Variants in PCDH11X observed in about 807,000 individuals in gnomAD.
The protein encoded by PCDH11X is protocadherin-11 X-linked.
PCDH11X carries 18 observed loss-of-function variants against 53.3 expected under a neutral mutation model. The ratio of observed to expected loss-of-function variants is 0.34; its 90% CI spans 0.23 to 0.50. The LOEUF is 0.50. Ranked by LOEUF, PCDH11X falls within the 20% of genes least tolerant of loss-of-function variation. The pLI is 0.98. For synonymous variants in PCDH11X, 279 were observed against 393.3 expected (o/e 0.71, Z 3.44); for missense variants, 570 against 1,032.4 (o/e 0.55, Z 6.14).
intron 7 of PCDH11X, among the ~76,000 whole-genome samples, chrX:92,260,615 T>C (rs1292269793): frequency 9.0e-6 from 1 of 111,495 alleles, no homozygotes; most frequent in Non-Finnish European, 1.9e-5. Flanking sequence ...TGTAGACAGT[T>C]GTTAAATTGT....
At chrX:92,077,515 A>T (rs1258217343) in intron 6 of PCDH11X, among the ~76,000 whole-genome samples, 2 of 110,246 alleles carry the variant, frequency 1.8e-5, no homozygotes, top group African/African-American at 6.6e-5. Flanking sequence ...TAATACTGAA[A>T]ATATCATTTT....
At chrX:91,987,232 C>T (rs1181198812) in intron 6 of PCDH11X, among the ~76,000 whole-genome samples, 1 of 110,695 alleles carries the variant, frequency 9.0e-6, no homozygotes, top group East Asian at 2.8e-4. Context: ...TTACAGGTGC[C>T]TGTCACCATG....
chrX:92,284,510 C>T (rs2068318406), intron 8 of PCDH11X, among the ~76,000 whole-genome samples: 1 of 112,133 alleles, frequency 8.9e-6, no homozygotes, highest in African/African-American at 3.2e-5. Flanking sequence ...TTTTAATCCA[C>T]TGTTAGCAGG....
At chrX:92,422,134 C>CTTTTTTTTTTTTT (rs67131959) in intron 9 of PCDH11X, among the ~76,000 whole-genome samples, 3 of 86,331 alleles carry the variant, frequency 3.5e-5, no homozygotes, top group Non-Finnish European at 6.8e-5. Context: ...AATTTCTTTT[C>CTTTTTTTTTTTTT]TTTTTTTTTT....
At chrX:92,138,500 CAT>C (rs1371499884) in intron 6 of PCDH11X, among the ~76,000 whole-genome samples, 32 of 108,965 alleles carry the variant, frequency 2.9e-4, no homozygotes, top group African/African-American at 1.1e-3. Flanking sequence ...TAAATATAAA[CAT>C]AAAATTAAAA....
At chrX:92,589,763 G>A (rs1924823645) in intron 10 of PCDH11X, among the ~76,000 whole-genome samples, 1 of 110,769 alleles carries the variant, frequency 9.0e-6, no homozygotes, top group African/African-American at 3.3e-5. Context: ...ATTATTCCTG[G>A]GCTATTAGTA....
intron 6 of PCDH11X, among the ~76,000 whole-genome samples, chrX:92,009,120 TA>T (rs1430251188): frequency 8.9e-6 from 1 of 112,529 alleles, no homozygotes; most frequent in Non-Finnish European, 1.9e-5. Flanking sequence ...TCCTTTTTAG[TA>T]ACTATATTTG....
chrX:92,153,195 G>C (rs1291691447), intron 6 of PCDH11X, among the ~76,000 whole-genome samples: 2 of 109,481 alleles, frequency 1.8e-5, no homozygotes, highest in Admixed American at 9.9e-5. Flanking sequence ...TCTGACAATC[G>C]ACCTACAGGA....
rs751917464 is a variant in PCDH11X at position 91,879,247 on chromosome X, G to C, written c.3007G>C (p.Val1003Leu). 10 of 1,209,692 alleles carry C rather than the reference G, an allele frequency of 8.3e-6. No homozygotes were observed. The highest frequency in any genetic ancestry group is 1.0e-5 in the Non-Finnish European group (9 of 895,189). ...TGGCTATCCAGTGACGACCTTCGAGGTACCTGTGTCCGTACACACCAGACC... is the reference window on the plus strand; with the variant it reads ...TGGCTATCCAGTGACGACCTTCGAGCTACCTGTGTCCGTACACACCAGACC... ...DCGYPVTTFE[V>L]PVSVHTRPPM... Residue 1003 changes from valine (V) to leucine (L), a missense_variant, in exon 6 of 11, where the codon GTA (valine) becomes CTA (leucine). This residue lies in a region of PCDH11X where 234 missense variants were observed against 296.1 expected (regional missense o/e 0.79). Coordinates refer to ENST00000682573, the MANE Select transcript of PCDH11X (RefSeq NM_032968.5).
intron 9 of PCDH11X, among the ~76,000 whole-genome samples, chrX:92,422,998 G>C (rs1435383914): frequency 9.3e-6 from 1 of 107,519 alleles, no homozygotes; most frequent in Non-Finnish European, 1.9e-5. Flanking sequence ...ACAGGCACCC[G>C]CCACAAGGCC....
chrX:92,301,830 A>G (rs867639438), intron 8 of PCDH11X, among the ~76,000 whole-genome samples: 1 of 109,683 alleles, frequency 9.1e-6, no homozygotes, highest in Middle Eastern at 4.7e-3. Context: ...TTAAGGGGAG[A>G]ATTTGTGAAG....
Position 91,885,270 on chromosome X carries a change from C to T in PCDH11X, c.3033+5997C>T, listed in dbSNP as rs769109328. On this transcript the variant is annotated intron_variant, in intron 6 of 10. Coordinates refer to ENST00000682573, the MANE Select transcript of PCDH11X (RefSeq NM_032968.5). ...ACTTGTACAAGTTATTCACATAGAA[C>T]AAGTTTGCAGTTACTCCCCTTTTAT... 3.6e-5 allele frequency among the ~76,000 whole-genome samples: 4 copies of T among 111,297 alleles called. No homozygotes were observed. The East Asian group carries it at 1.1e-3, about 31-fold the overall frequency.
At chrX:92,188,259 T>G (rs1319661387) in intron 6 of PCDH11X, among the ~76,000 whole-genome samples, 1 of 111,564 alleles carries the variant, frequency 9.0e-6, no homozygotes, top group Non-Finnish European at 1.9e-5. Context: ...TTTCTCGTTA[T>G]TGATTGATTT....
At chrX:92,038,660 T>C (rs1428760991) in intron 6 of PCDH11X, among the ~76,000 whole-genome samples, 1 of 109,426 alleles carries the variant, frequency 9.1e-6, no homozygotes, top group Non-Finnish European at 1.9e-5. Context: ...TGGAATGATA[T>C]GGTTTGGCTG....
chrX:91,779,396 C>T lies in PCDH11X; in HGVS notation c.-667C>T, dbSNP rs779125933. 1 of 110,120 alleles carries T rather than the reference C, an allele frequency of 9.1e-6. No homozygotes were observed. Among genetic ancestry groups the T allele is most frequent in the East Asian group, 2.9e-4 (1 of 3,456 alleles). The allele number at this position is 110,120 out of a possible 1,213,427, so 9.1% of individuals were successfully genotyped here. ...CCTTGCAGTCGGCGAACTGTCGGGG[C>T]GGGAGGAGCCGTGAGCAGTAGCTGC... On this transcript the variant is annotated 5_prime_UTR_variant, in exon 1 of 11. Coordinates refer to ENST00000682573, the MANE Select transcript of PCDH11X (RefSeq NM_032968.5).
intron 8 of PCDH11X, among the ~76,000 whole-genome samples, chrX:92,318,467 G>A (rs2069127666): frequency 9.0e-6 from 1 of 111,142 alleles, no homozygotes; most frequent in Non-Finnish European, 1.9e-5. Flanking sequence ...GCACAGCAAA[G>A]CTCAGACTTT....
At chrX:92,531,333 G>C (rs1205561387) in intron 10 of PCDH11X, among the ~76,000 whole-genome samples, 3 of 111,338 alleles carry the variant, frequency 2.7e-5, no homozygotes, top group Non-Finnish European at 3.8e-5. Flanking sequence ...AGATGTCAAA[G>C]TTATTAGCTC....
At chrX:92,019,654 G>A (rs34614806) in intron 6 of PCDH11X, among the ~76,000 whole-genome samples, 2 of 111,898 alleles carry the variant, frequency 1.8e-5, no homozygotes, top group African/African-American at 6.5e-5. Flanking sequence ...GTTATTTGAA[G>A]CTAATGAGAA....
intron 10 of PCDH11X, among the ~76,000 whole-genome samples, chrX:92,581,456 GGAAACCTCTTTCCCTTGGCCC>G (rs1276517258): frequency 1.3e-4 from 14 of 111,388 alleles, no homozygotes; most frequent in African/African-American, 4.6e-4. Context: ...TTTTATAAGG[GGAAACCTCTTTCCCTTGGCCC>G]TCATTCTCTC....
Sources: allele counts gnomAD v4.1 joint callset (sites outside exome capture counted in the v4.1 genomes callset), GRCh38; gene constraint gnomAD v4.1.1; regional missense constraint gnomAD v4.1.1; transcripts MANE v1.5; gene names NCBI Gene and HGNC (gene_info 2026-07-23, HGNC 2026-07-21).